Variants in CORIN observed in about 807,000 individuals in gnomAD.
The protein encoded by CORIN is corin, serine peptidase.
Under a neutral mutation model 125.3 loss-of-function variants are expected in CORIN, and 117 were observed. The ratio of observed to expected loss-of-function variants is 0.93; its 90% CI spans 0.80 to 1.09. The LOEUF (loss-of-function observed/expected upper bound fraction) is 1.09. Among genes scored for constraint, CORIN ranks in the 50% least tolerant of loss-of-function variants. The pLI is 0.00. For missense variants in CORIN, 1,253 were observed against 1,306.7 expected (o/e 0.96, Z 0.63); for synonymous variants, 450 against 466.4 (o/e 0.96, Z 0.45).
At chr4:47,649,590 C>T (rs758593406) in intron 13 of CORIN, among the ~76,000 whole-genome samples, 1 of 152,192 alleles carries the variant, frequency 6.6e-6, no homozygotes, top group Non-Finnish European at 1.5e-5. Flanking sequence ...GTGTTCTCTG[C>T]ATCTTACCCA....
chr4:47,768,264 A>G lies in CORIN; in HGVS notation c.410-4678T>C, dbSNP rs1390918252. 5.3e-5 allele frequency among the ~76,000 whole-genome samples: 8 copies of G among 152,296 alleles called. No individual in the cohort carries two copies. In the East Asian group the frequency reaches 1.5e-3, roughly 29 times the overall value. On this transcript the variant is annotated intron_variant, in intron 3 of 21. Coordinates refer to ENST00000273857, the MANE Select transcript of CORIN (RefSeq NM_006587.4). ...GCCCGCCTGCACCCAGGTGAAGGAA[A>G]CAGCCTTGTTGCTCACACAAAGCCT...
intron 16 of CORIN, among the ~76,000 whole-genome samples, chr4:47,632,754 GA>G (rs1722876515): frequency 9.0e-6 from 1 of 110,694 alleles, no homozygotes; most frequent in African/African-American, 4.4e-5. Context: ...TAGATAGATA[GA>G]TAGATAGATA....
intron 6 of CORIN, among the ~76,000 whole-genome samples, 171 bp downstream of exon 6, chr4:47,692,799 A>C (rs1320635039): frequency 3.9e-5 from 6 of 152,262 alleles, no homozygotes; most frequent in Non-Finnish European, 7.4e-5. Flanking sequence ...GCTCCTAATA[A>C]ACCATGCCTT....
At chr4:47,796,167 C>T (rs185873830) in intron 2 of CORIN, among the ~76,000 whole-genome samples, 7 of 152,120 alleles carry the variant, frequency 4.6e-5, no homozygotes, top group Admixed American at 3.3e-4. Flanking sequence ...TCCCATGTTC[C>T]GTGCAGCATT....
intron 14 of CORIN, among the ~76,000 whole-genome samples, chr4:47,643,615 G>C (rs1473256703): frequency 6.6e-6 from 1 of 152,116 alleles, no homozygotes; most frequent in African/African-American, 2.4e-5. Context: ...AGCCGCCTTA[G>C]ATAGAAAACA....
At chr4:47,651,634 T>G (rs1051776879) in intron 13 of CORIN, among the ~76,000 whole-genome samples, 3 of 152,234 alleles carry the variant, frequency 2.0e-5, no homozygotes, top group African/African-American at 7.2e-5. Context: ...TCCAAATGTA[T>G]TATTTCTTAC....
intron 12 of CORIN, 65 bp from the exon 13 acceptor site, chr4:47,653,725 T>A (rs1265290676): frequency 7.3e-7 from 1 of 1,370,008 alleles, no homozygotes; most frequent in African/African-American, 1.4e-5. Context: ...TTTATGTATT[T>A]ACATGTAGGA....
At chr4:47,701,213 A>T (rs1726278156) in intron 5 of CORIN, among the ~76,000 whole-genome samples, 1 of 152,236 alleles carries the variant, frequency 6.6e-6, no homozygotes, top group Admixed American at 6.5e-5. Flanking sequence ...GCCCCTTGAC[A>T]ACAATACAAC....
At chr4:47,699,443 A>G (rs2109755008) in intron 5 of CORIN, among the ~76,000 whole-genome samples, 1 of 152,340 alleles carries the variant, frequency 6.6e-6, no homozygotes, top group African/African-American at 2.4e-5. Context: ...GTTTTATTAT[A>G]GCTCACATAA....
intron 1 of CORIN, among the ~76,000 whole-genome samples, chr4:47,808,120 C>A (rs1381116976): frequency 6.6e-6 from 1 of 152,144 alleles, no homozygotes; most frequent in Non-Finnish European, 1.5e-5. Flanking sequence ...TATCTTCAAA[C>A]TAGTTCTTCT....
At chr4:47,812,728 T>G (rs184531858) in intron 1 of CORIN, among the ~76,000 whole-genome samples, 36 of 152,358 alleles carry the variant, frequency 2.4e-4, no homozygotes, top group Non-Finnish European at 4.7e-4. Flanking sequence ...TCTTGCTATA[T>G]ATGCAAATAT....
At chr4:47,622,362 C>T (rs868781227) in intron 19 of CORIN, among the ~76,000 whole-genome samples, 1 of 148,752 alleles carries the variant, frequency 6.7e-6, no homozygotes, top group Non-Finnish European at 1.5e-5. Flanking sequence ...TGGGTATATA[C>T]CCAGTAATGG....
At chr4:47,623,365 T>C (rs963169489) in intron 19 of CORIN, among the ~76,000 whole-genome samples, 6 of 152,122 alleles carry the variant, frequency 3.9e-5, no homozygotes, top group African/African-American at 1.4e-4. Flanking sequence ...GGAAGCAATA[T>C]GCAGCCATTT....
chr4:47,605,119 C>T (rs1285917614), intron 19 of CORIN, among the ~76,000 whole-genome samples: 2 of 152,206 alleles, frequency 1.3e-5, no homozygotes, highest in Non-Finnish European at 2.9e-5. Context: ...GCATCATCTG[C>T]TCAGAGCTGT....
At chr4:47,693,913 G>C (rs988240731) in intron 5 of CORIN, among the ~76,000 whole-genome samples, 1 of 152,172 alleles carries the variant, frequency 6.6e-6, no homozygotes. Flanking sequence ...ATTTGGTAAT[G>C]TGCATCAAAT....
intron 2 of CORIN, among the ~76,000 whole-genome samples, chr4:47,796,543 A>G (rs945999630): frequency 6.6e-6 from 1 of 152,086 alleles, no homozygotes; most frequent in Non-Finnish European, 1.5e-5. Context: ...GTACTTAAAC[A>G]TTTGTTAAAA....
chr4:47,753,763 G>A (rs1279946917), intron 4 of CORIN, among the ~76,000 whole-genome samples: 1 of 151,882 alleles, frequency 6.6e-6, no homozygotes, highest in Non-Finnish European at 1.5e-5. Flanking sequence ...TTTTCAAGGT[G>A]CACTGATTTC....
chr4:47,705,681 A>C (rs953994146), intron 5 of CORIN, among the ~76,000 whole-genome samples: 2 of 152,234 alleles, frequency 1.3e-5, no homozygotes, highest in Non-Finnish European at 2.9e-5. Context: ...AAAATGAAAA[A>C]TACGTAGCCT....
intron 1 of CORIN, among the ~76,000 whole-genome samples, chr4:47,812,349 A>G (rs978928470): frequency 6.6e-6 from 1 of 152,046 alleles, no homozygotes; most frequent in Admixed American, 6.6e-5. Flanking sequence ...AAGAAAAAAA[A>G]TTAATGTTAG....
Sources: gnomAD v4.1 joint callset for allele counts (sites outside exome capture counted in the v4.1 genomes callset) on GRCh38, gnomAD v4.1.1 for gene constraint, MANE v1.5 for transcripts, NCBI Gene and HGNC (gene_info 2026-07-23, HGNC 2026-07-21) for gene names.